METTL16: variants seen among roughly 807,000 people sequenced by gnomAD.
METTL16 encodes RNA N(6)-adenosine-methyltransferase METTL16.
Under a neutral mutation model 57.9 loss-of-function variants are expected in METTL16, and 19 were observed. The observed-to-expected ratio is 0.33, with a 90% CI of 0.23 to 0.48. The LOEUF (loss-of-function observed/expected upper bound fraction) is 0.48, where lower values mean the gene tolerates loss of function less well. METTL16 is among the 20% of genes least tolerant of loss of function. The pLI, the probability that METTL16 is intolerant of heterozygous loss-of-function variation, is 0.99. For synonymous variants in METTL16, 246 were observed against 255.6 expected (o/e 0.96, Z 0.36); for missense variants, 434 against 691.5 (o/e 0.63, Z 4.18).
At chr17:2,499,687 T>C (rs1597473178) in intron 2 of METTL16, among the ~76,000 whole-genome samples, 1 of 152,222 alleles carries the variant, frequency 6.6e-6, no homozygotes, top group Non-Finnish European at 1.5e-5. Context: ...TTTTGAAATA[T>C]GTTTTCAAAT....
chr17:2,420,090 C>T lies in METTL16; in HGVS notation c.1569G>A (p.Lys523=), dbSNP rs2066749233. 6.2e-7 allele frequency: 1 copy of T among 1,614,226 alleles called. No individual in the cohort carries two copies. The part of the protein sequence containing the change: ...QYLFKCLINV[K]KEVDDALVEM... ...CCACTAAGGCATCGTCCACCTCCTTCTTAACGTTTATCAAACACTTAAACA... is the reference window on the plus strand; with the variant it reads ...CCACTAAGGCATCGTCCACCTCCTTTTTAACGTTTATCAAACACTTAAACA... Residue 523 remains lysine (K), a synonymous_variant, in exon 10 of 10, where the codon AAG becomes AAA. Coordinates refer to ENST00000263092, the MANE Select transcript of METTL16 (RefSeq NM_024086.4). The surrounding 1 kb of genome is among the most constrained non-coding windows in gnomAD (Gnocchi z 5.4).
chr17:2,441,716 A>G (rs1349223573), intron 6 of METTL16, among the ~76,000 whole-genome samples, 157 bp from the exon 7 acceptor site: 1 of 152,228 alleles, frequency 6.6e-6, no homozygotes, highest in African/African-American at 2.4e-5. Context: ...GTATTTCGAC[A>G]AAGACCAAAT....
intron 6 of METTL16, 73 bp from the exon 7 acceptor site, chr17:2,441,632 G>T: frequency 1.1e-6 from 1 of 912,092 alleles, no homozygotes; most frequent in South Asian, 2.0e-5. Context: ...TTATTCAAGT[G>T]AATAAGATGA....
intron 6 of METTL16, among the ~76,000 whole-genome samples, chr17:2,455,750 T>C (rs1219166679): frequency 1.3e-5 from 2 of 151,996 alleles, no homozygotes; most frequent in East Asian, 1.9e-4. Flanking sequence ...GAAGCCAAGG[T>C]GGGGTGGAAT....
intron 8 of METTL16, among the ~76,000 whole-genome samples, chr17:2,427,334 A>G (rs2066827090): frequency 6.6e-6 from 1 of 152,206 alleles, no homozygotes; most frequent in East Asian, 1.9e-4. Context: ...CAAAACTAAC[A>G]ACAAAAAAGG....
At chr17:2,474,197 T>C (rs904425161) in intron 3 of METTL16, among the ~76,000 whole-genome samples, 1 of 152,232 alleles carries the variant, frequency 6.6e-6, no homozygotes. Flanking sequence ...TTAAATCTCA[T>C]ACAAAACTCA....
chr17:2,447,549 G>A (rs1374275107), intron 6 of METTL16, among the ~76,000 whole-genome samples: 5 of 115,864 alleles, frequency 4.3e-5, no homozygotes, highest in African/African-American at 2.3e-4. Flanking sequence ...CCCTCTGCCT[G>A]GCCAGTCGCC....
intron 8 of METTL16, among the ~76,000 whole-genome samples, chr17:2,426,497 G>A (rs1042303309): frequency 6.6e-6 from 1 of 152,052 alleles, no homozygotes; most frequent in Non-Finnish European, 1.5e-5. Flanking sequence ...TTGGGAGGCT[G>A]AGGCAGGTAG....
chr17:2,501,590 T>C (rs889801181), intron 2 of METTL16, among the ~76,000 whole-genome samples: 2 of 152,156 alleles, frequency 1.3e-5, no homozygotes, highest in African/African-American at 4.8e-5. Context: ...CCAGGCACAG[T>C]GGCTCACACC....
chr17:2,440,022 AT>A lies in METTL16; in HGVS notation c.798+1467del, dbSNP rs370865109. Among the ~76,000 whole-genome samples the A allele has an allele frequency of 2.7e-3, 418 of 152,290 alleles. 1 individual carries two copies. The highest frequency in any genetic ancestry group is 9.3e-3 in the African/African-American group (386 of 41,548). On this transcript the variant is annotated intron_variant, in intron 7 of 9. Transcript: ENST00000263092. ...GGCAATACAGCAAGACCCTATCTTT[AT>A]AAAAAATAAGGATTACTTGAGTACA...
chr17:2,484,176 G>C (rs1208884861), intron 2 of METTL16, among the ~76,000 whole-genome samples: 2 of 152,122 alleles, frequency 1.3e-5, no homozygotes, highest in East Asian at 3.9e-4. Context: ...AGTAACAAAA[G>C]TATTGCTATT....
At chr17:2,437,661 C>T (rs576853472) in intron 8 of METTL16, among the ~76,000 whole-genome samples, 12 of 152,314 alleles carry the variant, frequency 7.9e-5, no homozygotes, top group South Asian at 2.1e-4. Flanking sequence ...AAGCAATTCT[C>T]GTGCCTCAGC....
chr17:2,445,291 G>C (rs1404089433), intron 6 of METTL16, among the ~76,000 whole-genome samples: 2 of 152,002 alleles, frequency 1.3e-5, no homozygotes, highest in Admixed American at 1.3e-4. Flanking sequence ...AGAAAACACA[G>C]GCTATTATTA....
chr17:2,444,408 C>T lies in METTL16; in HGVS notation c.729-2849G>A, dbSNP rs139510770. ...GAGGTTGCAGTGAGCAGAGATCACA[C>T]CACTGCACTCCAGCCTGGGCTACAG... On this transcript the variant is annotated intron_variant, in intron 6 of 9. Transcript: ENST00000263092. Among the ~76,000 whole-genome samples, 326 of 152,184 alleles carry T rather than the reference C, an allele frequency of 2.1e-3. 6 individuals are homozygous for T. Among genetic ancestry groups the T allele is most frequent in the African/African-American group, 7.2e-3 (300 of 41,520 alleles).
chr17:2,438,942 G>A (rs1353882224), intron 7 of METTL16, among the ~76,000 whole-genome samples: 1 of 152,182 alleles, frequency 6.6e-6, no homozygotes, highest in African/African-American at 2.4e-5. Flanking sequence ...AAATGGTATT[G>A]TGAGGAAAAG....
intron 8 of METTL16, among the ~76,000 whole-genome samples, chr17:2,423,477 C>G (rs1567879601): frequency 6.6e-6 from 1 of 152,142 alleles, no homozygotes; most frequent in Non-Finnish European, 1.5e-5. Flanking sequence ...CTACTGAGAG[C>G]CTAACGCTTT....
chr17:2,491,626 A>G (rs2067390717), intron 2 of METTL16, among the ~76,000 whole-genome samples: 1 of 152,182 alleles, frequency 6.6e-6, no homozygotes, highest in African/African-American at 2.4e-5. Flanking sequence ...CTGTAATGTC[A>G]GCACGTTGGG....
chr17:2,421,581 C>A (rs1292327827), intron 8 of METTL16, among the ~76,000 whole-genome samples: 1 of 152,170 alleles, frequency 6.6e-6, no homozygotes. Flanking sequence ...CTTCGTGTAC[C>A]TGTGGTACCC....
In METTL16 at chr17:2,464,353, G is replaced by C; in HGVS notation, c.586-3C>G. ...CGAGGATTTCGTGAGTTTACTCCCTGAAAAACAACAAAAAACCCTGGTGAA... is the reference window on the plus strand; with the variant it reads ...CGAGGATTTCGTGAGTTTACTCCCTCAAAAACAACAAAAAACCCTGGTGAA... On this transcript the variant is annotated splice_polypyrimidine_tract_variant and splice_region_variant and intron_variant, in intron 5 of 9. Coordinates refer to ENST00000263092, the MANE Select transcript of METTL16 (RefSeq NM_024086.4). 1 of 1,585,360 alleles carries C rather than the reference G, an allele frequency of 6.3e-7. No individual in the cohort carries two copies. The highest frequency in any genetic ancestry group is 8.5e-7 in the Non-Finnish European group (1 of 1,170,966).
Sources: allele counts gnomAD v4.1 joint callset (sites outside exome capture counted in the v4.1 genomes callset), GRCh38; gene constraint gnomAD v4.1.1; non-coding constraint Gnocchi (gnomAD v3.1); transcripts MANE v1.5; gene names NCBI Gene and HGNC (gene_info 2026-07-23, HGNC 2026-07-21).